SBF2: variants seen among roughly 807,000 people sequenced by gnomAD.
SBF2 encodes SET binding factor 2.
A neutral mutation model predicts 225.2 loss-of-function variants in SBF2; 112 were observed. The observed-to-expected ratio is 0.50, with a 90% CI of 0.43 to 0.58. The LOEUF (loss-of-function observed/expected upper bound fraction) is 0.58, where lower values mean the gene tolerates loss of function less well. SBF2 is among the 20% of genes least tolerant of loss of function. The pLI, the probability that SBF2 is intolerant of heterozygous loss-of-function variation, is 0.00. For missense variants in SBF2, 1,996 were observed against 2,206.2 expected (o/e 0.90, Z 1.91); for synonymous variants, 763 against 773.3 (o/e 0.99, Z 0.22).
Position 9,829,352 on chromosome 11 carries a change from T to C in SBF2, c.3793+4A>G. ...TCAAGAAGAAAAGTATTATCAAATC[T>C]TACCTGGAGATAGAGCAAAGGCTGG... is the stretch of plus-strand genomic sequence containing the variant. On this transcript the variant is annotated splice_donor_region_variant and intron_variant, in intron 28 of 39. Coordinates refer to ENST00000256190, the MANE Select transcript of SBF2 (RefSeq NM_030962.4). The C allele has an allele frequency of 6.2e-7, 1 of 1,614,050 alleles. No homozygotes were observed. Among genetic ancestry groups the C allele is most frequent in the South Asian group, 1.1e-5 (1 of 91,078 alleles).
intron 1 of SBF2, among the ~76,000 whole-genome samples, chr11:10,253,649 G>A (rs1172740625): frequency 1.3e-5 from 2 of 151,862 alleles, no homozygotes; most frequent in East Asian, 1.9e-4. Flanking sequence ...AAAAATCACC[G>A]CCCTGATTTT....
At chr11:10,182,759 A>G (rs562308114) in intron 2 of SBF2, among the ~76,000 whole-genome samples, 6 of 143,014 alleles carry the variant, frequency 4.2e-5, no homozygotes, top group Admixed American at 2.1e-4. Context: ...TGTTGTTGTT[A>G]TTGTTTGTTT....
At chr11:9,997,145 G>C (rs1430289915) in intron 9 of SBF2, among the ~76,000 whole-genome samples, 1 of 152,094 alleles carries the variant, frequency 6.6e-6, no homozygotes, top group Non-Finnish European at 1.5e-5. Context: ...ATCCCTCCTG[G>C]TAATCCTAGG....
chr11:10,022,684 T>G (rs140757273), intron 6 of SBF2, among the ~76,000 whole-genome samples: 1,536 of 152,156 alleles, frequency 0.01, 30 homozygotes, highest in African/African-American at 0.034. Flanking sequence ...TTTTTTTCTA[T>G]AGGCAGTTTT....
chr11:10,160,590 A>AT (rs988367176), intron 2 of SBF2, among the ~76,000 whole-genome samples: 3 of 152,114 alleles, frequency 2.0e-5, no homozygotes, highest in Non-Finnish European at 2.9e-5. Flanking sequence ...TCATCTTCAT[A>AT]TTTTTCTTTA....
intron 2 of SBF2, among the ~76,000 whole-genome samples, chr11:10,109,374 CAT>C (rs376675452): frequency 1.3e-5 from 2 of 152,330 alleles, no homozygotes; most frequent in African/African-American, 4.8e-5. Flanking sequence ...GTTTAATTCA[CAT>C]GACTAGCAGC....
At chr11:10,237,553 T>A (rs1397424445) in intron 1 of SBF2, among the ~76,000 whole-genome samples, 1 of 152,236 alleles carries the variant, frequency 6.6e-6, no homozygotes, top group African/African-American at 2.4e-5. Flanking sequence ...ACCCCTATCT[T>A]GTCTTTTACT....
At chr11:10,066,596 C>T (rs1240919666) in intron 2 of SBF2, among the ~76,000 whole-genome samples, 1 of 152,134 alleles carries the variant, frequency 6.6e-6, no homozygotes, top group East Asian at 1.9e-4. Flanking sequence ...ACTCTGAGTA[C>T]ACTAGGAGAA....
chr11:9,936,466 G>A (rs1314443651), intron 16 of SBF2, among the ~76,000 whole-genome samples: 1 of 152,120 alleles, frequency 6.6e-6, no homozygotes, highest in African/African-American at 2.4e-5. Flanking sequence ...TATACCCAAA[G>A]GATTATAAAT....
At chr11:9,868,056 T>C (rs1158734202) in intron 17 of SBF2, among the ~76,000 whole-genome samples, 3 of 152,296 alleles carry the variant, frequency 2.0e-5, no homozygotes, top group African/African-American at 7.2e-5. Flanking sequence ...ATGGATATTC[T>C]AATTACCCTG....
At chr11:9,913,741 C>G (rs1862841918) in intron 16 of SBF2, among the ~76,000 whole-genome samples, 1 of 151,984 alleles carries the variant, frequency 6.6e-6, no homozygotes, top group South Asian at 2.1e-4. Context: ...GAGTGACAGT[C>G]CAGAGGTATG....
intron 2 of SBF2, among the ~76,000 whole-genome samples, chr11:10,113,968 A>G (rs1953006099): frequency 6.6e-6 from 1 of 152,198 alleles, no homozygotes; most frequent in Non-Finnish European, 1.5e-5. Flanking sequence ...AAATCTCAAC[A>G]GGTACCCTTT....
At chr11:9,815,430 C>T (rs528218977) in intron 29 of SBF2, among the ~76,000 whole-genome samples, 16 of 149,772 alleles carry the variant, frequency 1.1e-4, no homozygotes, top group East Asian at 1.9e-4. Flanking sequence ...TCCAGCCTAG[C>T]GACAGAGTGA....
At chr11:10,133,756 G>A (rs1954212708) in intron 2 of SBF2, among the ~76,000 whole-genome samples, 1 of 151,776 alleles carries the variant, frequency 6.6e-6, no homozygotes, top group African/African-American at 2.4e-5. Flanking sequence ...GGCTCCCACA[G>A]TGCAATGGGG....
intron 1 of SBF2, among the ~76,000 whole-genome samples, chr11:10,241,698 A>C (rs1007970733): frequency 6.6e-6 from 1 of 152,128 alleles, no homozygotes; most frequent in African/African-American, 2.4e-5. Flanking sequence ...CCTAGAAAAC[A>C]ACTTTTCGAA....
chr11:10,286,172 ACAC>A (rs1963767181), intron 1 of SBF2, among the ~76,000 whole-genome samples: 1 of 150,288 alleles, frequency 6.7e-6, no homozygotes, highest in Non-Finnish European at 1.5e-5. Context: ...ACACGCACAC[ACAC>A]ACACACACAC....
At chr11:9,954,338 G>A (rs1484003036) in intron 16 of SBF2, among the ~76,000 whole-genome samples, 1 of 152,100 alleles carries the variant, frequency 6.6e-6, no homozygotes, top group Non-Finnish European at 1.5e-5. Flanking sequence ...TGGCCACTCT[G>A]CCTTGAAACT....
chr11:9,979,631 T>C (rs1946853812), intron 13 of SBF2, among the ~76,000 whole-genome samples: 1 of 152,194 alleles, frequency 6.6e-6, no homozygotes. Flanking sequence ...GATCTTGGCA[T>C]GCAAGTTGCC....
At chr11:9,850,261 T>C in intron 21 of SBF2, 43 bp from the exon 22 acceptor site, 1 of 1,583,504 alleles carries the variant, frequency 6.3e-7, no homozygotes, top group African/African-American at 1.3e-5. Flanking sequence ...ATTGACTAAT[T>C]GATTGATTTT....
Sources: gnomAD v4.1 joint callset for allele counts (sites outside exome capture counted in the v4.1 genomes callset) on GRCh38, gnomAD v4.1.1 for gene constraint, MANE v1.5 for transcripts, NCBI Gene and HGNC (gene_info 2026-07-23, HGNC 2026-07-21) for gene names.